NRXN3: variants seen among roughly 807,000 people sequenced by gnomAD.
NRXN3 encodes neurexin 3, also known as neurexin III.
NRXN3 carries 32 observed loss-of-function variants against 137.6 expected under a neutral mutation model. The ratio of observed to expected loss-of-function variants is 0.23; its 90% CI spans 0.18 to 0.31. NRXN3 has a LOEUF of 0.31. Ranked by LOEUF, NRXN3 falls within the 10% of genes least tolerant of loss-of-function variation. NRXN3 has a pLI of 1.00. For synonymous variants in NRXN3, 798 were observed against 784.5 expected (o/e 1.02, Z -0.29); for missense variants, 1,574 against 2,062.5 (o/e 0.76, Z 4.59).
At chr14:78,313,483 GTT>G (rs5809876) in intron 4 of NRXN3, among the ~76,000 whole-genome samples, 1 of 149,004 alleles carries the variant, frequency 6.7e-6, no homozygotes, top group African/African-American at 2.5e-5. Flanking sequence ...TTAAATAAAG[GTT>G]TTTTTTTTTA....
chr14:78,784,289 A>G (rs556715525), intron 8 of NRXN3, among the ~76,000 whole-genome samples: 19 of 152,302 alleles, frequency 1.2e-4, no homozygotes, highest in African/African-American at 4.1e-4. Flanking sequence ...CCAAGGAAAC[A>G]GGGTGGCTGA....
intron 15 of NRXN3, among the ~76,000 whole-genome samples, chr14:79,215,099 G>A (rs2068271636): frequency 6.6e-6 from 1 of 152,090 alleles, no homozygotes. Context: ...ACTGGCACTG[G>A]TGCTACCGGA....
chr14:78,518,948 A>T (rs2096249745), intron 4 of NRXN3, among the ~76,000 whole-genome samples: 1 of 152,086 alleles, frequency 6.6e-6, no homozygotes, highest in Admixed American at 6.6e-5. Context: ...TTGAGGAAAA[A>T]TAACCTTAAT....
chr14:79,296,313 G>A (rs960114659), intron 15 of NRXN3, among the ~76,000 whole-genome samples: 14 of 152,098 alleles, frequency 9.2e-5, no homozygotes, highest in Admixed American at 4.6e-4. Flanking sequence ...AGAAACTACC[G>A]TGGGGATTTA....
At chr14:78,947,562 C>T (rs187742973) in intron 10 of NRXN3, among the ~76,000 whole-genome samples, 3 of 152,280 alleles carry the variant, frequency 2.0e-5, no homozygotes, top group Admixed American at 6.5e-5. Flanking sequence ...TAAGAATGAT[C>T]GTAACCTCAT....
chr14:78,173,153 A>G (rs1349173367), intron 1 of NRXN3, among the ~76,000 whole-genome samples: 1 of 152,078 alleles, frequency 6.6e-6, no homozygotes, highest in Non-Finnish European at 1.5e-5. Flanking sequence ...GAGATGCTAC[A>G]GCAAACGGGG....
intron 4 of NRXN3, among the ~76,000 whole-genome samples, chr14:78,444,101 T>TC (rs2094342030): frequency 6.6e-6 from 1 of 152,194 alleles, no homozygotes; most frequent in Admixed American, 6.5e-5. Context: ...AGGGCTTAAA[T>TC]AGAAGTAAAG....
At chr14:78,318,802 A>G (rs2079001490) in intron 4 of NRXN3, among the ~76,000 whole-genome samples, 2 of 152,198 alleles carry the variant, frequency 1.3e-5, no homozygotes, top group Admixed American at 6.5e-5. Flanking sequence ...TTCAAACCAA[A>G]TACCATGAGA....
At chr14:78,754,769 G>A (rs886186881) in intron 8 of NRXN3, among the ~76,000 whole-genome samples, 3 of 151,566 alleles carry the variant, frequency 2.0e-5, no homozygotes, top group Non-Finnish European at 4.4e-5. Context: ...AGCAATCTGA[G>A]TTTTACCAAG....
At chr14:79,856,471 T>C (rs2099402744) in intron 20 of NRXN3, among the ~76,000 whole-genome samples, 1 of 152,160 alleles carries the variant, frequency 6.6e-6, no homozygotes. Flanking sequence ...TACCCAAATA[T>C]ATAAAAAGAA....
chr14:79,535,754 G>A (rs935979988), intron 16 of NRXN3, among the ~76,000 whole-genome samples: 1 of 152,100 alleles, frequency 6.6e-6, no homozygotes, highest in South Asian at 2.1e-4. Flanking sequence ...ACTAAGTGAT[G>A]ATGCCAAGGA....
At chr14:78,646,259 CAAT>C (rs1280579769) in intron 5 of NRXN3, among the ~76,000 whole-genome samples, 13 of 152,128 alleles carry the variant, frequency 8.5e-5, no homozygotes, top group Admixed American at 5.2e-4. Flanking sequence ...ATAATGATAA[CAAT>C]AATAATACCT....
chr14:79,740,191 T>C (rs2098956182), intron 19 of NRXN3, among the ~76,000 whole-genome samples: 1 of 152,148 alleles, frequency 6.6e-6, no homozygotes, highest in East Asian at 1.9e-4. Context: ...TACCAATATT[T>C]CTTCTCTTCT....
chr14:79,301,021 G>A (rs1465114165), intron 15 of NRXN3, among the ~76,000 whole-genome samples: 1 of 152,084 alleles, frequency 6.6e-6, no homozygotes, highest in African/African-American at 2.4e-5. Flanking sequence ...TGCTCCACAA[G>A]CACATTGCTT....
chr14:78,835,331 C>T (rs1209547909), intron 10 of NRXN3, among the ~76,000 whole-genome samples: 1 of 152,156 alleles, frequency 6.6e-6, no homozygotes, highest in African/African-American at 2.4e-5. Flanking sequence ...ACCAGCTGCT[C>T]CTGCAGTTGG....
intron 16 of NRXN3, among the ~76,000 whole-genome samples, chr14:79,554,112 T>C (rs1365513075): frequency 6.6e-6 from 1 of 151,926 alleles, no homozygotes; most frequent in Non-Finnish European, 1.5e-5. Context: ...AGAGGTTTGA[T>C]CCAAAAGGTT....
intron 10 of NRXN3, among the ~76,000 whole-genome samples, chr14:78,820,664 A>G (rs1011870979): frequency 2.0e-5 from 3 of 152,170 alleles, no homozygotes; most frequent in Admixed American, 1.3e-4. Flanking sequence ...CACTGTCCTC[A>G]AAGATTCCTC....
At chr14:79,826,511 C>T (rs2099302238) in intron 20 of NRXN3, among the ~76,000 whole-genome samples, 1 of 152,044 alleles carries the variant, frequency 6.6e-6, no homozygotes, top group Non-Finnish European at 1.5e-5. Context: ...TATGTATTTC[C>T]CCTGAACCAT....
intron 16 of NRXN3, among the ~76,000 whole-genome samples, chr14:79,529,197 G>A (rs900626355): frequency 1.2e-4 from 18 of 152,292 alleles, no homozygotes; most frequent in African/African-American, 3.8e-4. Flanking sequence ...AAGATTTCAC[G>A]TGAAAGGGTG....
Sources: gnomAD v4.1 joint callset for allele counts (sites outside exome capture counted in the v4.1 genomes callset) on GRCh38, gnomAD v4.1.1 for gene constraint, MANE v1.5 for transcripts, NCBI Gene and HGNC (gene_info 2026-07-23, HGNC 2026-07-21) for gene names.